The following LMO4 variants were observed in gnomAD, a reference collection of about 807,000 sequenced individuals.
LMO4 encodes LIM domain only 4, also known as LIM domain transcription factor LMO4.
LMO4 carries 3 observed loss-of-function variants against 18.5 expected under a neutral mutation model. That is an observed-to-expected ratio of 0.16 (90% CI 0.07 to 0.42). The LOEUF (loss-of-function observed/expected upper bound fraction) is 0.42. Ranked by LOEUF, LMO4 falls within the 10% of genes least tolerant of loss-of-function variation. The probability of loss-of-function intolerance (pLI) is 0.99; values close to 1 mark genes in which losing one functional copy is unlikely to be tolerated. For missense variants in LMO4, 121 were observed against 219.9 expected (o/e 0.55, Z 2.84); for synonymous variants, 100 against 88.1 (o/e 1.14, Z -0.76).
At chr1:87,330,516 G>T (rs1325414698) in intron 1 of LMO4, among the ~76,000 whole-genome samples, 1 of 152,180 alleles carries the variant, frequency 6.6e-6, no homozygotes, top group African/African-American at 2.4e-5. Flanking sequence ...CAGCTTAATT[G>T]GTGCAGTTCT....
chr1:87,348,312 T>C lies in LMO4; in HGVS notation c.*3516T>C. ...ATTCTATCCTGGGTGCTGTCCCACC[T>C]ATGACCCCTTCAAGAGGCCATTGGA... On this transcript the variant is annotated 3_prime_UTR_variant, in exon 5 of 5. Transcript: ENST00000370544. The C allele has an allele frequency of 4.7e-6, 1 of 211,722 alleles. No homozygotes were observed. Among genetic ancestry groups the C allele is most frequent in the Non-Finnish European group, 9.8e-6 (1 of 101,906 alleles). 13.1% of individuals were successfully genotyped at this position (211,722 alleles called of 1,614,324 possible). A position where few individuals can be genotyped will look rare whatever the true frequency, so the allele number is the denominator to read the frequency against.
chr1:87,331,773 A>T, intron 1 of LMO4: 1 of 523,812 alleles, frequency 1.9e-6, no homozygotes, highest in Non-Finnish European at 3.4e-6. Context: ...AGCGCAGGAA[A>T]GTTGAGAGGA....
chr1:87,340,364 T>C (rs1650442613), intron 4 of LMO4, among the ~76,000 whole-genome samples, 162 bp downstream of exon 4: 1 of 152,248 alleles, frequency 6.6e-6, no homozygotes, highest in Non-Finnish European at 1.5e-5. Context: ...GTAGGATAGC[T>C]GATTAAATTG....
intron 2 of LMO4, among the ~76,000 whole-genome samples, chr1:87,332,983 G>A (rs1268030947): frequency 1.3e-5 from 2 of 152,050 alleles, no homozygotes; most frequent in Non-Finnish European, 1.5e-5. Context: ...TTTTGTTGTC[G>A]TTTGTATCAC....
intron 2 of LMO4, among the ~76,000 whole-genome samples, chr1:87,335,953 A>G (rs1318366469): frequency 6.6e-6 from 1 of 151,728 alleles, no homozygotes; most frequent in Non-Finnish European, 1.5e-5. Context: ...TTGTCATAAC[A>G]GAATTAATTC....
At chr1:87,331,840 GCCTCCCTTCTTCC>G in intron 1 of LMO4, 160 bp from the exon 2 acceptor site, 1 of 584,944 alleles carries the variant, frequency 1.7e-6, no homozygotes, top group South Asian at 2.2e-5. Context: ...CTGCCGGCGA[GCCTCCCTTCTTCC>G]CTCTCCCCCT....
At chr1:87,334,602 T>A (rs1650245854) in intron 2 of LMO4, among the ~76,000 whole-genome samples, 1 of 152,148 alleles carries the variant, frequency 6.6e-6, no homozygotes, top group Non-Finnish European at 1.5e-5. Context: ...ACATAGCGAT[T>A]TACTGAGGGG....
chr1:87,333,358 G>GAAC (rs1040513226), intron 2 of LMO4, among the ~76,000 whole-genome samples: 2 of 151,514 alleles, frequency 1.3e-5, no homozygotes, highest in Admixed American at 1.3e-4. Context: ...ACACTTTTAA[G>GAAC]AATTTCATCC....
At chr1:87,329,710 T>C (rs1214607172) in intron 1 of LMO4, among the ~76,000 whole-genome samples, 3 of 152,176 alleles carry the variant, frequency 2.0e-5, no homozygotes, top group African/African-American at 7.2e-5. Context: ...GCTGGTTCTT[T>C]TAAAAAAATT....
chr1:87,344,634 A>T (rs1208949385), intron 4 of LMO4, among the ~76,000 whole-genome samples, 154 bp from the exon 5 acceptor site: 2 of 152,248 alleles, frequency 1.3e-5, no homozygotes, highest in African/African-American at 4.8e-5. Flanking sequence ...CTGCCAGAGT[A>T]AGTAGCATAG....
At position 87,339,528 on chromosome 1, in the gene LMO4, T is replaced by C. The variant is rs1650411663; in HGVS notation, c.237-8T>C. Reference sequence around the variant, plus strand: ...TTCACTGGTGTCAACCGTTATTCTTTGTTTCAGGTTATTTGGAAATAGCGG... The same window carrying C: ...TTCACTGGTGTCAACCGTTATTCTTCGTTTCAGGTTATTTGGAAATAGCGG... On this transcript the variant is annotated splice_polypyrimidine_tract_variant and splice_region_variant and intron_variant, in intron 2 of 4. Coordinates refer to ENST00000370544, the MANE Select transcript of LMO4 (RefSeq NM_006769.4). The C allele has an allele frequency of 6.2e-7, 1 of 1,606,354 alleles. No individual in the cohort carries two copies.
chr1:87,340,824 C>G (rs1442548606), intron 4 of LMO4, among the ~76,000 whole-genome samples: 1 of 152,048 alleles, frequency 6.6e-6, no homozygotes, highest in East Asian at 1.9e-4. Context: ...ATTAATAGTG[C>G]CATTAGAAAT....
chr1:87,335,402 GGCGCCGCCCGAGGCCGCAGCCAGA>G (rs1650276475), intron 2 of LMO4, among the ~76,000 whole-genome samples: 1 of 151,866 alleles, frequency 6.6e-6, no homozygotes, highest in South Asian at 2.1e-4. Flanking sequence ...CACCCGGGCC[GGCGCCGCCCGAGGCCGCAGCCAGA>G]GCGCCCAGCC....
chr1:87,341,450 A>G (rs1397848048), intron 4 of LMO4, among the ~76,000 whole-genome samples: 1 of 152,204 alleles, frequency 6.6e-6, no homozygotes, highest in Non-Finnish European at 1.5e-5. Context: ...AAGGATCACA[A>G]AAAAAACAAC....
Position 87,335,098 on chromosome 1 carries a change from G to GC in LMO4, c.236+2854dup, listed in dbSNP as rs561333856. Among the ~76,000 whole-genome samples, 401 of 152,048 alleles carry GC rather than the reference G, an allele frequency of 2.6e-3. 3 individuals are homozygous for GC. The highest frequency in any genetic ancestry group is 8.1e-3 in the African/African-American group (337 of 41,458). On this transcript the variant is annotated intron_variant, in intron 2 of 4. Transcript: ENST00000370544. Reference sequence around the variant, plus strand: ...TCTTAAAGGGACCAACGCCTGCCTGGCCCCCCCATCTTACAAAAATAGGGG... The same window carrying GC: ...TCTTAAAGGGACCAACGCCTGCCTGGCCCCCCCCATCTTACAAAAATAGGGG...
rs546037860 is a variant in LMO4 at position 87,335,321 on chromosome 1, G to C, written c.236+3070G>C. 2.0e-5 allele frequency among the ~76,000 whole-genome samples: 3 copies of C among 152,248 alleles called. No individual in the cohort carries two copies. In the South Asian group the frequency reaches 6.2e-4, roughly 32 times the overall value. On this transcript the variant is annotated intron_variant, in intron 2 of 4. Coordinates refer to ENST00000370544, the MANE Select transcript of LMO4 (RefSeq NM_006769.4). ...ACCGGCGGGTGGGGCTCCAGGTCCG[G>C]GGAGGGCGAGGAAACGCGCCGGAAG...
chr1:87,332,661 G>C (rs190861769), intron 2 of LMO4, among the ~76,000 whole-genome samples: 17 of 152,334 alleles, frequency 1.1e-4, no homozygotes, highest in African/African-American at 4.1e-4. Context: ...AAAAATACAA[G>C]TGTAGTTAGT....
intron 2 of LMO4, among the ~76,000 whole-genome samples, chr1:87,334,124 C>T (rs1303508499): frequency 6.6e-6 from 1 of 152,250 alleles, no homozygotes; most frequent in East Asian, 1.9e-4. Flanking sequence ...TTTTCCTGTG[C>T]CCTAATGGAG....
chr1:87,337,705 G>A (rs567878082), intron 2 of LMO4, among the ~76,000 whole-genome samples: 8 of 152,278 alleles, frequency 5.3e-5, no homozygotes, highest in Admixed American at 1.3e-4. Context: ...CACTACTGCC[G>A]TCCATAAATG....
Sources: allele counts gnomAD v4.1 joint callset (sites outside exome capture counted in the v4.1 genomes callset), GRCh38; gene constraint gnomAD v4.1.1; transcripts MANE v1.5; gene names NCBI Gene and HGNC (gene_info 2026-07-23, HGNC 2026-07-21).